PTPRD: variants seen among roughly 807,000 people sequenced by gnomAD.
The protein encoded by PTPRD is protein tyrosine phosphatase receptor type D, also known as receptor-type tyrosine-protein phosphatase delta.
In PTPRD, 34 loss-of-function variants were observed where a neutral mutation model predicts 214.5. The ratio of observed to expected loss-of-function variants is 0.16; its 90% CI spans 0.12 to 0.21. PTPRD has a LOEUF of 0.21. Among genes scored for constraint, PTPRD ranks in the 10% least tolerant of loss-of-function variants. PTPRD has a pLI of 1.00. For synonymous variants in PTPRD, 1,128 were observed against 845.7 expected, an observed-to-expected ratio of 1.33 and a Z score of -5.79; for missense variants, 2,545 against 2,398.7, an observed-to-expected ratio of 1.06 and a Z score of -1.27.
intron 9 of PTPRD, among the ~76,000 whole-genome samples, chr9:9,342,895 T>A (rs1596077317): frequency 6.6e-6 from 1 of 152,026 alleles, no homozygotes; most frequent in East Asian, 1.9e-4. Context: ...CAGTGTGTGA[T>A]GTTCTCCTCC....
At chr9:8,857,291 T>C (rs73433136) in intron 11 of PTPRD, among the ~76,000 whole-genome samples, 4,860 of 152,230 alleles carry the variant, frequency 0.032, 180 homozygotes, top group South Asian at 0.093. Flanking sequence ...TAAGGGTGGA[T>C]TGCCCCACCG....
chr9:8,895,884 T>C (rs1004012429), intron 11 of PTPRD, among the ~76,000 whole-genome samples: 1 of 152,232 alleles, frequency 6.6e-6, no homozygotes, highest in African/African-American at 2.4e-5. Context: ...AGAGAGAAGT[T>C]GAGCCGAATA....
chr9:8,984,289 A>C (rs1233969685), intron 11 of PTPRD, among the ~76,000 whole-genome samples: 3 of 152,084 alleles, frequency 2.0e-5, no homozygotes, highest in African/African-American at 4.8e-5. Context: ...ATTTAATGAA[A>C]CCTGGATCAT....
intron 8 of PTPRD, among the ~76,000 whole-genome samples, chr9:9,422,282 G>T (rs2079103193): frequency 6.6e-6 from 1 of 152,096 alleles, no homozygotes; most frequent in Non-Finnish European, 1.5e-5. Flanking sequence ...TCCCAGTTCT[G>T]TACGATTTAA....
At chr9:9,235,682 C>A (rs148898668) in intron 9 of PTPRD, among the ~76,000 whole-genome samples, 1 of 152,256 alleles carries the variant, frequency 6.6e-6, no homozygotes, top group African/African-American at 2.4e-5. Context: ...AACAAAAAGC[C>A]AGATAAAAAA....
At chr9:9,812,958 A>G (rs1440123207) in intron 5 of PTPRD, among the ~76,000 whole-genome samples, 1 of 152,158 alleles carries the variant, frequency 6.6e-6, no homozygotes, top group African/African-American at 2.4e-5. Flanking sequence ...ATTTGGTAAG[A>G]TTGGTATCAA....
chr9:10,138,133 G>C (rs1338163654), intron 3 of PTPRD, among the ~76,000 whole-genome samples: 5 of 152,056 alleles, frequency 3.3e-5, no homozygotes, highest in Non-Finnish European at 7.4e-5. Context: ...AAGATGTATA[G>C]ACCTCTAGCT....
intron 11 of PTPRD, among the ~76,000 whole-genome samples, chr9:9,012,527 G>A (rs868716369): frequency 1.3e-5 from 2 of 152,230 alleles, no homozygotes; most frequent in East Asian, 3.9e-4. Context: ...TCCATAGGCG[G>A]TATAAGTGTC....
chr9:8,695,305 T>A (rs72700373), intron 12 of PTPRD, among the ~76,000 whole-genome samples: 1 of 152,038 alleles, frequency 6.6e-6, no homozygotes, highest in Non-Finnish European at 1.5e-5. Context: ...CACATGGCCA[T>A]GTTTAAGTGC....
chr9:10,220,909 A>C (rs1024966869), intron 3 of PTPRD, among the ~76,000 whole-genome samples: 2 of 151,872 alleles, frequency 1.3e-5, no homozygotes, highest in African/African-American at 4.8e-5. Context: ...TAAAGGGCAC[A>C]AGGAAGAAAT....
At chr9:8,815,065 G>C (rs1046917146) in intron 11 of PTPRD, among the ~76,000 whole-genome samples, 4 of 150,946 alleles carry the variant, frequency 2.6e-5, no homozygotes, top group East Asian at 1.9e-4. Flanking sequence ...GACAAGAATT[G>C]TCATATCTCA....
intron 39 of PTPRD, among the ~76,000 whole-genome samples, chr9:8,368,812 C>G (rs1362772912): frequency 1.3e-5 from 2 of 151,072 alleles, no homozygotes; most frequent in Admixed American, 6.6e-5. Context: ...GTTTCATAAA[C>G]TACGCATTTG....
intron 22 of PTPRD, among the ~76,000 whole-genome samples, chr9:8,505,228 G>A (rs2097517570): frequency 6.6e-6 from 1 of 152,182 alleles, no homozygotes; most frequent in South Asian, 2.1e-4. Flanking sequence ...TCAGCCTGCA[G>A]TAAACCTTAA....
chr9:10,334,104 G>A (rs971004786), intron 3 of PTPRD, among the ~76,000 whole-genome samples: 3 of 151,754 alleles, frequency 2.0e-5, no homozygotes, highest in Admixed American at 6.6e-5. Flanking sequence ...AGGTGCTGAA[G>A]CTAAGTATTG....
chr9:9,319,052 C>T (rs1187297968), intron 9 of PTPRD, among the ~76,000 whole-genome samples: 1 of 152,182 alleles, frequency 6.6e-6, no homozygotes, highest in Non-Finnish European at 1.5e-5. Context: ...TTTCAAGTTC[C>T]TGAACAGGCT....
chr9:8,771,707 G>C (rs899280786), intron 11 of PTPRD, among the ~76,000 whole-genome samples: 1 of 151,868 alleles, frequency 6.6e-6, no homozygotes, highest in African/African-American at 2.4e-5. Flanking sequence ...ATAATTATAA[G>C]AGAACACTGT....
intron 2 of PTPRD, among the ~76,000 whole-genome samples, chr9:10,529,269 C>A (rs1254272180): frequency 6.6e-6 from 1 of 152,048 alleles, no homozygotes; most frequent in African/African-American, 2.4e-5. Flanking sequence ...CACATTCACA[C>A]GTATGTTTAT....
chr9:9,603,811 C>A (rs2093955380), intron 7 of PTPRD, among the ~76,000 whole-genome samples: 1 of 151,530 alleles, frequency 6.6e-6, no homozygotes, highest in Non-Finnish European at 1.5e-5. Flanking sequence ...AATCCTAGAA[C>A]TTTTAGTAAG....
chr9:8,708,961 C>G (rs1367046050), intron 12 of PTPRD, among the ~76,000 whole-genome samples: 1 of 152,060 alleles, frequency 6.6e-6, no homozygotes, highest in Non-Finnish European at 1.5e-5. Flanking sequence ...ATGGATGAGT[C>G]TGGAGACCAT....
Sources: gnomAD v4.1 joint callset for allele counts (sites outside exome capture counted in the v4.1 genomes callset) on GRCh38, gnomAD v4.1.1 for gene constraint, MANE v1.5 for transcripts, NCBI Gene and HGNC (gene_info 2026-07-23, HGNC 2026-07-21) for gene names.